Variants in GPBP1 observed in about 807,000 individuals in gnomAD.
GPBP1 encodes the protein vasculin.
In GPBP1, 13 loss-of-function variants were observed where a neutral mutation model predicts 56.5. The ratio of observed to expected loss-of-function variants is 0.23; its 90% CI spans 0.15 to 0.37. The LOEUF (loss-of-function observed/expected upper bound fraction) is 0.37. Ranked by LOEUF, GPBP1 falls within the 10% of genes least tolerant of loss-of-function variation. The pLI, the probability that GPBP1 is intolerant of heterozygous loss-of-function variation, is 1.00. For missense variants in GPBP1, 477 were observed against 572.3 expected, an observed-to-expected ratio of 0.83 and a Z score of 1.70; for synonymous variants, 204 against 188.9, an observed-to-expected ratio of 1.08 and a Z score of -0.66.
intron 3 of GPBP1, among the ~76,000 whole-genome samples, chr5:57,222,785 G>A (rs764345943): frequency 3.3e-5 from 5 of 152,130 alleles, no homozygotes; most frequent in African/African-American, 4.8e-5. Context: ...CAAAATGTTC[G>A]TATCTACTTA....
At chr5:57,239,465 T>C (rs988326053) in intron 6 of GPBP1, among the ~76,000 whole-genome samples, 2 of 152,188 alleles carry the variant, frequency 1.3e-5, no homozygotes, top group Admixed American at 6.5e-5. Flanking sequence ...TAAACCAAAA[T>C]AGATTTGTTA....
intron 6 of GPBP1, among the ~76,000 whole-genome samples, chr5:57,241,455 G>A (rs755501003): frequency 3.9e-5 from 6 of 152,202 alleles, no homozygotes; most frequent in African/African-American, 1.2e-4. Context: ...GCCAGGATTG[G>A]TGGTCCAGGC....
chr5:57,199,037 T>G (rs1754884527), intron 2 of GPBP1, among the ~76,000 whole-genome samples: 1 of 152,244 alleles, frequency 6.6e-6, no homozygotes, highest in African/African-American at 2.4e-5. Context: ...TAATCATGAT[T>G]TGGACTCCAA....
chr5:57,192,188 T>TG (rs1754556433), intron 2 of GPBP1, among the ~76,000 whole-genome samples: 2 of 152,178 alleles, frequency 1.3e-5, no homozygotes, highest in African/African-American at 4.8e-5. Flanking sequence ...CTGGCTAGGT[T>TG]GAAAACTACT....
At chr5:57,249,253 G>A (rs1019719830) in intron 8 of GPBP1, 156 bp from the exon 9 acceptor site, 3 of 515,600 alleles carry the variant, frequency 5.8e-6, no homozygotes, top group Admixed American at 3.8e-5. Flanking sequence ...TTCAGTAGGG[G>A]AAAAAACAGG....
At chr5:57,182,010 C>T (rs1754071530) in intron 2 of GPBP1, among the ~76,000 whole-genome samples, 1 of 152,066 alleles carries the variant, frequency 6.6e-6, no homozygotes, top group African/African-American at 2.4e-5. Context: ...CATTTAGTTT[C>T]TTGGTCTTTA....
At chr5:57,178,903 A>C (rs1007397841) in intron 2 of GPBP1, among the ~76,000 whole-genome samples, 1 of 152,224 alleles carries the variant, frequency 6.6e-6, no homozygotes. Flanking sequence ...TAAAAATAAT[A>C]ATCATAGTGG....
chr5:57,242,010 C>CG (rs1215742949), intron 6 of GPBP1, among the ~76,000 whole-genome samples: 2 of 152,234 alleles, frequency 1.3e-5, no homozygotes, highest in African/African-American at 4.8e-5. Flanking sequence ...TTTAGTCCCA[C>CG]ATCCCTTCTT....
At chr5:57,257,378 A>G (rs923894017) in intron 10 of GPBP1, among the ~76,000 whole-genome samples, 2 of 152,188 alleles carry the variant, frequency 1.3e-5, no homozygotes, top group Admixed American at 6.5e-5. Flanking sequence ...ATATTAAAAT[A>G]TGAAATATTC....
At chr5:57,238,536 C>G (rs2111887429) in intron 6 of GPBP1, among the ~76,000 whole-genome samples, 1 of 151,838 alleles carries the variant, frequency 6.6e-6, no homozygotes, top group African/African-American at 2.4e-5. Flanking sequence ...CCAGCCTGAG[C>G]AACAAGAGTG....
At chr5:57,201,000 T>C (rs1174976805) in intron 2 of GPBP1, among the ~76,000 whole-genome samples, 1 of 151,816 alleles carries the variant, frequency 6.6e-6, no homozygotes, top group Non-Finnish European at 1.5e-5. Context: ...ATTTTTGTAT[T>C]TTTAGTAGAG....
chr5:57,255,760 T>C (rs1347420772), intron 10 of GPBP1, among the ~76,000 whole-genome samples: 1 of 152,238 alleles, frequency 6.6e-6, no homozygotes, highest in Non-Finnish European at 1.5e-5. Flanking sequence ...TAACCCCTAA[T>C]AGACATATCT....
chr5:57,247,745 AT>A (rs1369095965), intron 8 of GPBP1, among the ~76,000 whole-genome samples: 1 of 149,548 alleles, frequency 6.7e-6, no homozygotes, highest in Non-Finnish European at 1.5e-5. Flanking sequence ...ACAAAGAATA[AT>A]TTTTTGGGGG....
chr5:57,244,012 A>G (rs941562316), intron 6 of GPBP1, among the ~76,000 whole-genome samples: 3 of 152,154 alleles, frequency 2.0e-5, no homozygotes, highest in Non-Finnish European at 4.4e-5. Flanking sequence ...TGATACCTTC[A>G]TATTTATAAA....
At chr5:57,211,087 G>C (rs900777092) in intron 2 of GPBP1, among the ~76,000 whole-genome samples, 1 of 151,888 alleles carries the variant, frequency 6.6e-6, no homozygotes, top group Non-Finnish European at 1.5e-5. Flanking sequence ...TAAGATGAGT[G>C]GTGTGGAACT....
chr5:57,174,439 G>C (rs1243331953), intron 1 of GPBP1, among the ~76,000 whole-genome samples: 2 of 152,080 alleles, frequency 1.3e-5, no homozygotes, highest in East Asian at 1.9e-4. Flanking sequence ...TTGTGAGGAG[G>C]GGGTGGGTGG....
intron 2 of GPBP1, among the ~76,000 whole-genome samples, chr5:57,199,489 A>G (rs78002543): frequency 0.013 from 1,969 of 151,796 alleles, 42 homozygotes; most frequent in African/African-American, 0.044. Context: ...GAAAGGTGAC[A>G]CTTCTCCTTC....
chr5:57,229,537 T>C (rs1756351412), intron 3 of GPBP1, among the ~76,000 whole-genome samples: 1 of 152,128 alleles, frequency 6.6e-6, no homozygotes, highest in African/African-American at 2.4e-5. Flanking sequence ...CCCTTTCCTT[T>C]TCTTTTTTTG....
At chr5:57,211,104 A>C (rs1755456255) in intron 2 of GPBP1, among the ~76,000 whole-genome samples, 1 of 152,104 alleles carries the variant, frequency 6.6e-6, no homozygotes, top group Non-Finnish European at 1.5e-5. Flanking sequence ...AACTTGTGAA[A>C]CTTTAATTAG....
Sources: allele counts gnomAD v4.1 joint callset (sites outside exome capture counted in the v4.1 genomes callset), GRCh38; gene constraint gnomAD v4.1.1; transcripts MANE v1.5; gene names NCBI Gene and HGNC (gene_info 2026-07-23, HGNC 2026-07-21).